The following RXRA variants were observed in gnomAD, a reference collection of about 807,000 sequenced individuals.
RXRA encodes the protein retinoid X receptor alpha, also known as retinoic acid receptor RXR-alpha.
Under a neutral mutation model 44.5 loss-of-function variants are expected in RXRA, and 5 were observed. The ratio of observed to expected loss-of-function variants is 0.11; its 90% CI spans 0.06 to 0.24. RXRA has a LOEUF of 0.24. RXRA is among the 10% of genes least tolerant of loss of function. The pLI is 1.00. For missense variants in RXRA, 412 were observed against 646.5 expected, an observed-to-expected ratio of 0.64 and a Z score of 3.93; for synonymous variants, 291 against 271.4, an observed-to-expected ratio of 1.07 and a Z score of -0.71.
In RXRA at chr9:134,433,801, T is replaced by C. The variant is rs550675062; in HGVS notation, c.1136-301T>C. On this transcript the variant is annotated intron_variant, in intron 8 of 9. Coordinates refer to ENST00000481739, the MANE Select transcript of RXRA (RefSeq NM_002957.6). The surrounding 1 kb of genome is among the most constrained non-coding windows in gnomAD (Gnocchi z 4.2). Reference sequence around the variant, plus strand: ...AAGGAAGGCAGCAGATCCCTGACACTTTATCGATGGGGAAACCGAGTCTCT... The same window carrying C: ...AAGGAAGGCAGCAGATCCCTGACACCTTATCGATGGGGAAACCGAGTCTCT... 1.3e-5 allele frequency among the ~76,000 whole-genome samples: 2 copies of C among 152,310 alleles called. No homozygotes were observed. Among genetic ancestry groups the C allele is most frequent in the Admixed American group, 1.3e-4 (2 of 15,298 alleles).
intron 4 of RXRA, among the ~76,000 whole-genome samples, chr9:134,414,014 C>T (rs140865449): frequency 2.6e-5 from 4 of 152,196 alleles, no homozygotes; most frequent in Admixed American, 6.5e-5. Flanking sequence ...ACCTCCCGCC[C>T]GGCCTCCGGC....
At chr9:134,353,857 A>G (rs1052202193) in intron 1 of RXRA, among the ~76,000 whole-genome samples, 39 of 152,284 alleles carry the variant, frequency 2.6e-4, no homozygotes, top group African/African-American at 9.1e-4. Flanking sequence ...AGCCGTACTC[A>G]TCCACGAGCC....
intron 1 of RXRA, chr9:134,379,469 G>A: frequency 1.0e-6 from 1 of 987,150 alleles, no homozygotes; most frequent in Non-Finnish European, 1.2e-6. Context: ...AAGTGGAGGA[G>A]GGCCCCCAGG....
intron 9 of RXRA, among the ~76,000 whole-genome samples, chr9:134,435,770 G>T (rs116511222): frequency 0.033 from 5,000 of 152,228 alleles, 186 homozygotes; most frequent in South Asian, 0.11. Flanking sequence ...GTGCTCAGCA[G>T]CCCTTTCCCT....
chr9:134,326,703 GGGCC>G, intron 1 of RXRA, 44 bp downstream of exon 1: 1 of 593,274 alleles, frequency 1.7e-6, no homozygotes, highest in Non-Finnish European at 2.1e-6. Context: ...CGGGGGCCGG[GGGCC>G]GGCGGGCGGG....
chr9:134,337,354 T>G (rs1274846703), intron 1 of RXRA, among the ~76,000 whole-genome samples: 1 of 152,024 alleles, frequency 6.6e-6, no homozygotes, highest in Non-Finnish European at 1.5e-5. Flanking sequence ...ATCAGGCTCC[T>G]CCTGGCCACT....
chr9:134,397,259 T>C (rs769012560), intron 1 of RXRA, among the ~76,000 whole-genome samples: 70 of 152,104 alleles, frequency 4.6e-4, no homozygotes, highest in Admixed American at 9.8e-4. Flanking sequence ...CAATTCACCG[T>C]CTCGCGGAGC....
At chr9:134,355,076 C>T (rs1255058065) in intron 1 of RXRA, among the ~76,000 whole-genome samples, 1 of 152,224 alleles carries the variant, frequency 6.6e-6, no homozygotes, top group Admixed American at 6.5e-5. Flanking sequence ...TGCAGGGATG[C>T]GGTGGCTCAG....
At chr9:134,436,365 G>T in intron 9 of RXRA, 102 bp from the exon 10 acceptor site, 2 of 1,179,674 alleles carry the variant, frequency 1.7e-6, no homozygotes, top group Non-Finnish European at 2.4e-6. Flanking sequence ...CCTCAGAGGG[G>T]TTGGGGTATC....
intron 1 of RXRA, among the ~76,000 whole-genome samples, chr9:134,364,826 T>C (rs1830394002): frequency 6.6e-6 from 1 of 152,148 alleles, no homozygotes; most frequent in Admixed American, 6.5e-5. Context: ...GCTGGGTCCC[T>C]AGTGTTGGTG....
intron 1 of RXRA, among the ~76,000 whole-genome samples, chr9:134,328,852 C>T (rs564754182): frequency 3.9e-5 from 6 of 152,176 alleles, no homozygotes; most frequent in African/African-American, 7.2e-5. Flanking sequence ...CATTCACTAC[C>T]GCTGGGCTTG....
intron 2 of RXRA, chr9:134,405,759 C>A (rs1187648328): frequency 6.5e-6 from 1 of 152,778 alleles, no homozygotes; most frequent in Non-Finnish European, 1.5e-5. Flanking sequence ...CTCCTGCTCA[C>A]ACGCCTCGGT....
chr9:134,422,431 C>G (rs1258965220), intron 6 of RXRA: 2 of 1,274,164 alleles, frequency 1.6e-6, no homozygotes, highest in Non-Finnish European at 2.0e-6. Context: ...CCTGGACGCT[C>G]CCCTCTCCCT....
chr9:134,431,176 C>G (rs1429796959), intron 7 of RXRA, among the ~76,000 whole-genome samples: 1 of 152,252 alleles, frequency 6.6e-6, no homozygotes, highest in African/African-American at 2.4e-5. Context: ...TTCCTGGACA[C>G]AGCAGTTGAG....
At chr9:134,374,243 A>G (rs1409866792) in intron 1 of RXRA, 1 of 152,316 alleles carries the variant, frequency 6.6e-6, no homozygotes, top group African/African-American at 2.4e-5. Context: ...TCAAACCCAG[A>G]TCCGCAGGCG....
intron 1 of RXRA, among the ~76,000 whole-genome samples, chr9:134,331,370 C>A (rs920605691): frequency 1.1e-4 from 17 of 152,224 alleles, no homozygotes; most frequent in Admixed American, 1.1e-3. Context: ...AAAATTGGCC[C>A]GGCCGCTGTG....
chr9:134,409,250 A>G, intron 4 of RXRA, 131 bp downstream of exon 4: 1 of 954,004 alleles, frequency 1.0e-6, no homozygotes, highest in Non-Finnish European at 1.5e-6. Flanking sequence ...AGGCCAAGGC[A>G]GGAGTGGGGG....
chr9:134,429,025 T>C (rs1250003886), intron 6 of RXRA, 83 bp from the exon 7 acceptor site: 1 of 1,554,644 alleles, frequency 6.4e-7, no homozygotes, highest in Non-Finnish European at 8.8e-7. Flanking sequence ...ATGCTGCCTC[T>C]GTAGGGTCCC....
chr9:134,345,222 C>T (rs921196113), intron 1 of RXRA, among the ~76,000 whole-genome samples: 8 of 152,210 alleles, frequency 5.3e-5, no homozygotes, highest in South Asian at 2.1e-4. Context: ...GTGAGGATAA[C>T]GTATCCCCCT....
Sources: gnomAD v4.1 joint callset for allele counts (sites outside exome capture counted in the v4.1 genomes callset) on GRCh38, gnomAD v4.1.1 for gene constraint, Gnocchi (gnomAD v3.1) non-coding constraint, MANE v1.5 for transcripts, NCBI Gene and HGNC (gene_info 2026-07-23, HGNC 2026-07-21) for gene names.